Variants in NELL1 observed in about 807,000 individuals in gnomAD.
NELL1 encodes protein kinase C-binding protein NELL1.
In NELL1, 76 loss-of-function variants were observed where a neutral mutation model predicts 107.4. The observed-to-expected ratio is 0.71, with a 90% CI of 0.59 to 0.86. The LOEUF is 0.86. Among genes scored for constraint, NELL1 ranks in the 40% least tolerant of loss-of-function variants. The probability of loss-of-function intolerance (pLI) is 0.00; values close to 1 mark genes in which losing one functional copy is unlikely to be tolerated. For missense variants in NELL1, 1,024 were observed against 1,005.5 expected, an observed-to-expected ratio of 1.02 and a Z score of -0.25; for synonymous variants, 353 against 341.2, an observed-to-expected ratio of 1.03 and a Z score of -0.38.
chr11:20,903,418 A>T (rs1197115704), intron 5 of NELL1, among the ~76,000 whole-genome samples: 2 of 152,042 alleles, frequency 1.3e-5, no homozygotes, highest in African/African-American at 4.8e-5. Context: ...AAATCAAATT[A>T]TTGTGTACAC....
Position 20,918,158 on chromosome 11 carries a change from C to T in NELL1, c.604-24C>T, listed in dbSNP as rs781206437. 31 of 1,393,260 alleles carry T rather than the reference C, an allele frequency of 2.2e-5. 1 individual carries two copies. The South Asian group carries it at 3.2e-4, about 15-fold the overall frequency. The allele number at this position is 1,393,260 out of a possible 1,614,324, so 86.3% of individuals were successfully genotyped here. A position where few individuals can be genotyped will look rare whatever the true frequency, so the allele number is the denominator to read the frequency against. ...GAGCTGGTGACTGTAATCTTGATTG[C>T]CACCTGTCTCTTCTATTATCAAGGG... is the stretch of plus-strand genomic sequence containing the variant. On this transcript the variant is annotated intron_variant, in intron 5 of 19. Transcript: ENST00000357134.
chr11:21,425,766 A>T (rs1852805426), intron 15 of NELL1, among the ~76,000 whole-genome samples: 1 of 152,226 alleles, frequency 6.6e-6, no homozygotes. Context: ...TAATACAAAG[A>T]TAAAGATATT....
chr11:21,512,514 T>A (rs1015887874), intron 15 of NELL1, among the ~76,000 whole-genome samples: 1 of 152,138 alleles, frequency 6.6e-6, no homozygotes, highest in Non-Finnish European at 1.5e-5. Context: ...TAATTATATA[T>A]GTGCTTGTCT....
intron 16 of NELL1, among the ~76,000 whole-genome samples, chr11:21,557,397 T>C (rs753834192): frequency 6.6e-5 from 10 of 152,018 alleles, no homozygotes; most frequent in Non-Finnish European, 1.0e-4. Context: ...ATTTGCAACT[T>C]TGTAAATGCA....
At chr11:21,199,750 A>T (rs1029880091) in intron 13 of NELL1, among the ~76,000 whole-genome samples, 1 of 152,016 alleles carries the variant, frequency 6.6e-6, no homozygotes, top group African/African-American at 2.4e-5. Flanking sequence ...TGCACCCATC[A>T]ACCTGTCATC....
At chr11:21,277,645 A>G (rs572927346) in intron 14 of NELL1, among the ~76,000 whole-genome samples, 1 of 152,340 alleles carries the variant, frequency 6.6e-6, no homozygotes, top group East Asian at 1.9e-4. Flanking sequence ...ACTTGGAACC[A>G]AGCCAAATAC....
intron 14 of NELL1, among the ~76,000 whole-genome samples, chr11:21,299,820 TGA>T (rs1565155491): frequency 6.6e-6 from 1 of 152,022 alleles, no homozygotes; most frequent in African/African-American, 2.4e-5. Context: ...ATTTATATTT[TGA>T]ATACTTTTAT....
At chr11:21,253,022 T>C (rs1858678727) in intron 14 of NELL1, among the ~76,000 whole-genome samples, 1 of 152,144 alleles carries the variant, frequency 6.6e-6, no homozygotes, top group Non-Finnish European at 1.5e-5. Flanking sequence ...TTATAAAATT[T>C]ACATTGTTGT....
At chr11:21,531,326 A>T (rs553092273) in intron 15 of NELL1, among the ~76,000 whole-genome samples, 195 of 152,302 alleles carry the variant, frequency 1.3e-3, no homozygotes, top group South Asian at 7.2e-3. Context: ...AATTGAATAA[A>T]TGTATTATCT....
intron 2 of NELL1, among the ~76,000 whole-genome samples, chr11:20,703,737 A>C (rs1430348849): frequency 6.6e-6 from 1 of 152,132 alleles, no homozygotes; most frequent in Non-Finnish European, 1.5e-5. Context: ...GAACATCTTT[A>C]TTTCTGCCTT....
intron 14 of NELL1, among the ~76,000 whole-genome samples, chr11:21,298,936 G>A (rs181575077): frequency 2.0e-5 from 3 of 151,900 alleles, no homozygotes; most frequent in Non-Finnish European, 4.4e-5. Context: ...AGGCTATTTT[G>A]TATTTGTCTA....
In NELL1 at chr11:21,301,350, C is replaced by T. The variant is rs370302984; in HGVS notation, c.1550-69503C>T. 6.8e-4 allele frequency among the ~76,000 whole-genome samples: 104 copies of T among 152,302 alleles called. 1 individual carries two copies. The South Asian group carries it at 0.02, about 29-fold the overall frequency. On this transcript the variant is annotated intron_variant, in intron 14 of 19. Coordinates refer to ENST00000357134, the MANE Select transcript of NELL1 (RefSeq NM_006157.5). ...CTTCCACAATGGTTGAACTAGTTTA[C>T]AGTCCCACCAACAGTGTAAAAGCAT...
chr11:21,267,949 T>C lies in NELL1; in HGVS notation c.1549+38495T>C, dbSNP rs371730895. Among the ~76,000 whole-genome samples the C allele has an allele frequency of 1.8e-4, 28 of 152,140 alleles. No homozygotes were observed. The East Asian group carries it at 4.3e-3, about 23-fold the overall frequency. On this transcript the variant is annotated intron_variant, in intron 14 of 19. Coordinates refer to ENST00000357134, the MANE Select transcript of NELL1 (RefSeq NM_006157.5). ...TTCACTTTCAGTAAATGTGTGTCAT[T>C]ATAGGTGAAGTGAGTTTCTCATAGA...
intron 14 of NELL1, among the ~76,000 whole-genome samples, chr11:21,306,921 G>A (rs375350718): frequency 4.6e-5 from 7 of 151,944 alleles, no homozygotes; most frequent in African/African-American, 1.7e-4. Flanking sequence ...GGCATAAAAG[G>A]GGTCTGAATT....
intron 4 of NELL1, among the ~76,000 whole-genome samples, chr11:20,851,624 C>T (rs1019440401): frequency 6.6e-6 from 1 of 152,212 alleles, no homozygotes; most frequent in African/African-American, 2.4e-5. Context: ...AGTGCATAAG[C>T]AACCTTTCCC....
rs548087367 is a variant in NELL1 at position 20,717,073 on chromosome 11, A to G, written c.184+39013A>G. On this transcript the variant is annotated intron_variant, in intron 2 of 19. Transcript: ENST00000357134. The stretch of plus-strand genomic sequence containing the variant: ...GCTTGGTTCAGATTTTTGACAAACA[A>G]TACTGCAATATACATCTTCATGCAT... 2.0e-5 allele frequency among the ~76,000 whole-genome samples: 3 copies of G among 152,298 alleles called. No individual in the cohort carries two copies. In the East Asian group the frequency reaches 5.8e-4, roughly 29 times the overall value.
chr11:21,465,941 T>C (rs186177151), intron 15 of NELL1, among the ~76,000 whole-genome samples: 1 of 152,168 alleles, frequency 6.6e-6, no homozygotes, highest in Admixed American at 6.5e-5. Context: ...TGACCTTGCC[T>C]TGAAGCTATA....
chr11:21,559,768 A>G (rs1055277334), intron 16 of NELL1, among the ~76,000 whole-genome samples: 3 of 152,036 alleles, frequency 2.0e-5, no homozygotes, highest in Non-Finnish European at 2.9e-5. Context: ...TCAGATCTCC[A>G]TGGTGGTGTG....
intron 14 of NELL1, among the ~76,000 whole-genome samples, chr11:21,324,819 A>C (rs4399327): frequency 0.51 from 77,168 of 151,796 alleles, 19,890 homozygotes; most frequent in Middle Eastern, 0.64. Flanking sequence ...AAGAGGAAAG[A>C]GAACTGATGT....
Sources: allele counts gnomAD v4.1 joint callset (sites outside exome capture counted in the v4.1 genomes callset), GRCh38; gene constraint gnomAD v4.1.1; transcripts MANE v1.5; gene names NCBI Gene and HGNC (gene_info 2026-07-23, HGNC 2026-07-21).